The following PIGN variants were observed in gnomAD, a reference collection of about 807,000 sequenced individuals.
PIGN encodes the protein GPI ethanolamine phosphate transferase 1.
In PIGN, 117 loss-of-function variants were observed where a neutral mutation model predicts 125.4. The ratio of observed to expected loss-of-function variants is 0.93; its 90% confidence interval spans 0.80 to 1.09. The LOEUF is 1.09. PIGN is among the 50% of genes least tolerant of loss of function. PIGN has a pLI of 0.00. For missense variants in PIGN, 1,075 were observed against 1,094.9 expected, an observed-to-expected ratio of 0.98 and a Z score of 0.26; for synonymous variants, 392 against 377.8, an observed-to-expected ratio of 1.04 and a Z score of -0.44.
chr18:62,028,959 G>A (rs567387186), intron 23 of PIGN, among the ~76,000 whole-genome samples: 1 of 152,364 alleles, frequency 6.6e-6, no homozygotes, highest in African/African-American at 2.4e-5. Flanking sequence ...ATGTTGTGCA[G>A]CTATTATGTA....
chr18:62,143,307 T>G lies in PIGN; in HGVS notation c.962A>C (p.Gln321Pro). ...LENWKRLDVN[Q>P]ADIAPLMTSL... ...ATGTAATAAAATCGAACTGGATACC[T>G]GATTGACATCTAGCCTCTTCCAATT... The change falls in exon 11 of 31, where the codon CAG becomes CCG. Residue 321 changes from glutamine to proline, a missense_variant and splice_region_variant. Physicochemically the swap from Gln to Pro is moderately conservative, Grantham distance 76. This residue lies in a region of PIGN where 915 missense variants were observed against 908.7 expected (regional missense o/e 1.01). Transcript: ENST00000640252. 6.7e-7 allele frequency: 1 copy of G among 1,496,750 alleles called. No individual in the cohort carries two copies. The highest frequency in any genetic ancestry group is 1.8e-5 in the Admixed American group (1 of 55,062). 92.7% of individuals were successfully genotyped at this position (1,496,750 alleles called of 1,614,324 possible).
At chr18:62,162,149 C>G (rs535801737) in intron 3 of PIGN, 104 bp downstream of exon 3, 1 of 152,006 alleles carries the variant, frequency 6.6e-6, no homozygotes, top group Non-Finnish European at 1.5e-5. Flanking sequence ...TAAAGAATAT[C>G]GAGTTCTCTG....
chr18:62,064,625 C>T lies in PIGN; in HGVS notation c.2672+8048G>A, dbSNP rs75211150. Among the ~76,000 whole-genome samples, 1,482 of 152,326 alleles carry T rather than the reference C, an allele frequency of 9.7e-3. 46 individuals are homozygous for T. Among genetic ancestry groups the T allele is most frequent in the East Asian group, 0.069 (359 of 5,188 alleles). On this transcript the variant is annotated intron_variant, in intron 30 of 30. Transcript: ENST00000640252. ...ACAGAAATTGTTAATATTTTCTTCA[C>T]ATCATTTCATGAGACTCAATGAGAT...
chr18:62,105,277 T>C (rs2034590581), intron 20 of PIGN: 1 of 247,990 alleles, frequency 4.0e-6, no homozygotes, highest in Non-Finnish European at 7.8e-6. Context: ...GAAAACCTTC[T>C]AGACTTAAAC....
intron 14 of PIGN, among the ~76,000 whole-genome samples, chr18:62,134,627 C>T (rs1363529835): frequency 6.6e-6 from 1 of 152,156 alleles, no homozygotes; most frequent in African/African-American, 2.4e-5. Flanking sequence ...CAAGGATTGA[C>T]TCTAAAAGCT....
At chr18:62,057,231 C>T (rs143996026) in intron 30 of PIGN, among the ~76,000 whole-genome samples, 306 of 152,270 alleles carry the variant, frequency 2.0e-3, no homozygotes, top group African/African-American at 6.9e-3. Context: ...CCCTCCAGCA[C>T]CATCCTAATT....
At chr18:62,018,125 C>T (rs2030004129) in intron 23 of PIGN, among the ~76,000 whole-genome samples, 3 of 152,182 alleles carry the variant, frequency 2.0e-5, no homozygotes, top group African/African-American at 7.2e-5. Context: ...CTAACAGGCA[C>T]AGGAGGTCAA....
chr18:62,135,754 G>A (rs1229691299), intron 14 of PIGN: 1 of 150,972 alleles, frequency 6.6e-6, no homozygotes, highest in Non-Finnish European at 1.5e-5. Flanking sequence ...AGCCTCCCGA[G>A]TAGCTGGGAT....
At chr18:62,061,032 C>T (rs186392888) in intron 30 of PIGN, among the ~76,000 whole-genome samples, 103 of 152,244 alleles carry the variant, frequency 6.8e-4, no homozygotes, top group South Asian at 1.5e-3. Flanking sequence ...ATACCCGATG[C>T]CACAGGTTCT....
chr18:62,179,039 G>C (rs2037625072), intron 1 of PIGN, among the ~76,000 whole-genome samples: 1 of 152,138 alleles, frequency 6.6e-6, no homozygotes, highest in South Asian at 2.1e-4. Context: ...AGGAGTACTG[G>C]TCAGAGATTT....
chr18:62,105,707 A>C (rs2034612835), intron 19 of PIGN, 73 bp from the exon 20 acceptor site: 3 of 775,054 alleles, frequency 3.9e-6, no homozygotes, highest in Admixed American at 5.8e-5. Context: ...CACAGACTAT[A>C]TGACTGTGAA....
chr18:62,020,081 C>A (rs2030034861), intron 23 of PIGN, among the ~76,000 whole-genome samples: 1 of 152,240 alleles, frequency 6.6e-6, no homozygotes, highest in Non-Finnish European at 1.5e-5. Flanking sequence ...AAATACCAAG[C>A]TACTCCTTTG....
chr18:62,149,348 C>T (rs1205595975), intron 7 of PIGN, among the ~76,000 whole-genome samples: 1 of 151,942 alleles, frequency 6.6e-6, no homozygotes, highest in Admixed American at 6.6e-5. Context: ...TACTTAACCC[C>T]TAAGAAAATT....
intron 16 of PIGN, chr18:62,112,910 C>A: frequency 2.1e-6 from 1 of 475,492 alleles, no homozygotes; most frequent in Non-Finnish European, 3.7e-6. Context: ...ACACCTCTAT[C>A]TTTATAGCTT....
chr18:62,150,378 T>C (rs1022551285), intron 7 of PIGN, among the ~76,000 whole-genome samples: 8 of 152,208 alleles, frequency 5.3e-5, no homozygotes, highest in Non-Finnish European at 5.9e-5. Flanking sequence ...TGAACAGTTA[T>C]AGTATAGCAC....
At chr18:62,155,890 A>T (rs1230252727) in intron 6 of PIGN, among the ~76,000 whole-genome samples, 1 of 152,240 alleles carries the variant, frequency 6.6e-6, no homozygotes, top group Non-Finnish European at 1.5e-5. Flanking sequence ...TATAAATGGC[A>T]AACAGTTTGG....
At chr18:62,148,484 ACGT>A (rs1187208613) in intron 7 of PIGN, 146 bp from the exon 8 acceptor site, 6 of 479,110 alleles carry the variant, frequency 1.3e-5, no homozygotes, top group Non-Finnish European at 2.2e-5. Flanking sequence ...TACCAACACA[ACGT>A]CTTTGCTATC....
intron 15 of PIGN, among the ~76,000 whole-genome samples, chr18:62,114,169 C>T (rs1278366780): frequency 6.6e-6 from 1 of 152,108 alleles, no homozygotes; most frequent in African/African-American, 2.4e-5. Context: ...CAAGACCAGC[C>T]TGGCCAACAT....
chr18:62,183,822 A>C (rs745768831), intron 1 of PIGN, among the ~76,000 whole-genome samples: 52 of 151,076 alleles, frequency 3.4e-4, no homozygotes, highest in Non-Finnish European at 5.9e-4. Flanking sequence ...CCAGAACAAG[A>C]TGTGAAGACT....
Sources: allele counts gnomAD v4.1 joint callset (sites outside exome capture counted in the v4.1 genomes callset), GRCh38; gene constraint gnomAD v4.1.1; regional missense constraint gnomAD v4.1.1; transcripts MANE v1.5; gene names NCBI Gene and HGNC (gene_info 2026-07-23, HGNC 2026-07-21).